SNX27: variants seen among roughly 807,000 people sequenced by gnomAD.
SNX27 encodes sorting nexin 27.
A neutral mutation model predicts 71.6 loss-of-function variants in SNX27; 22 were observed. That is an observed-to-expected ratio of 0.31 (90% CI 0.22 to 0.44). The LOEUF (loss-of-function observed/expected upper bound fraction) is 0.44. Among genes scored for constraint, SNX27 ranks in the 20% least tolerant of loss-of-function variants. The probability of loss-of-function intolerance (pLI) is 1.00; values close to 1 mark genes in which losing one functional copy is unlikely to be tolerated. For missense variants in SNX27, 531 were observed against 698.6 expected (o/e 0.76, Z 2.70); for synonymous variants, 269 against 277.2 (o/e 0.97, Z 0.29).
intron 1 of SNX27, among the ~76,000 whole-genome samples, chr1:151,623,429 C>T (rs1197732494): frequency 2.0e-5 from 3 of 151,022 alleles, no homozygotes; most frequent in Admixed American, 1.3e-4. Flanking sequence ...CGTGAGCCAC[C>T]GCGCCCAGTA....
chr1:151,615,895 C>T (rs774975387), intron 1 of SNX27: 44 of 865,092 alleles, frequency 5.1e-5, no homozygotes, highest in East Asian at 1.2e-4. Context: ...CTTTTAAAGT[C>T]GGCTTACCAA....
rs1671848099 is a variant in SNX27 at position 151,697,831 on chromosome 1, C to T, written c.*3414C>T. 1.3e-5 allele frequency: 2 copies of T among 152,722 alleles called. No homozygotes were observed. The highest frequency in any genetic ancestry group is 1.9e-4 in the East Asian group (1 of 5,176). The allele number at this position is 152,722 out of a possible 1,614,324, so 9.5% of individuals were successfully genotyped here. On this transcript the variant is annotated 3_prime_UTR_variant, in exon 12 of 12. Coordinates refer to ENST00000458013, the MANE Select transcript of SNX27 (RefSeq NM_001330723.2). ...GTCTCCCAGTGCCCCCAGCTTCATCCCAGCAGAACCAGCAGGATCCTCCTG... is the reference window on the plus strand; with the variant it reads ...GTCTCCCAGTGCCCCCAGCTTCATCTCAGCAGAACCAGCAGGATCCTCCTG...
At chr1:151,678,350 CT>C (rs1296327563) in intron 7 of SNX27, 1 of 152,214 alleles carries the variant, frequency 6.6e-6, no homozygotes. Context: ...TAATTATACA[CT>C]ATTTGCCTTT....
At chr1:151,635,740 A>G (rs1241364507) in intron 1 of SNX27, among the ~76,000 whole-genome samples, 1 of 152,178 alleles carries the variant, frequency 6.6e-6, no homozygotes, top group Admixed American at 6.5e-5. Context: ...CCAGATAAAT[A>G]TTAGCAAGTC....
At position 151,612,255 on chromosome 1, in the gene SNX27, A is replaced by G; in HGVS notation, c.54A>G (p.Gly18=). 6.9e-7 allele frequency: 1 copy of G among 1,443,776 alleles called. No homozygotes were observed. Among genetic ancestry groups the G allele is most frequent in the Non-Finnish European group, 9.1e-7 (1 of 1,101,256 alleles). 89.4% of individuals were successfully genotyped at this position (1,443,776 alleles called of 1,614,324 possible). ...GIHPSAPHRN[G]GGGGGGGSGL... is the part of the protein sequence containing the mutation. ...ATCCCTCAGCCCCTCACAGGAACGG[A>G]GGTGGCGGCGGCGGCGGGGGGTCTG... Residue 18 remains glycine (G), a synonymous_variant, in exon 1 of 12, where the codon GGA becomes GGG. Coordinates refer to ENST00000458013, the MANE Select transcript of SNX27 (RefSeq NM_001330723.2). The surrounding 1 kb of genome is among the most constrained non-coding windows in gnomAD (Gnocchi z 5.2).
At chr1:151,657,707 C>T (rs995036032) in intron 2 of SNX27, among the ~76,000 whole-genome samples, 1 of 152,100 alleles carries the variant, frequency 6.6e-6, no homozygotes, top group South Asian at 2.1e-4. Context: ...TAAAAGTATG[C>T]TAGAGGTCAT....
At chr1:151,641,625 A>ATATATC (rs1277117544) in intron 2 of SNX27, among the ~76,000 whole-genome samples, 2 of 127,394 alleles carry the variant, frequency 1.6e-5, no homozygotes, top group Non-Finnish European at 1.6e-5. Flanking sequence ...ATATATATAT[A>ATATATC]TATATCATAT....
chr1:151,674,947 A>C (rs758209139), intron 7 of SNX27, among the ~76,000 whole-genome samples: 75 of 152,012 alleles, frequency 4.9e-4, no homozygotes, highest in Non-Finnish European at 9.1e-4. Flanking sequence ...CGGCCTCCCA[A>C]AGTGCTGGGA....
chr1:151,647,793 C>G (rs553106677), intron 2 of SNX27, among the ~76,000 whole-genome samples: 118 of 141,824 alleles, frequency 8.3e-4, no homozygotes, highest in African/African-American at 3.0e-3. Context: ...ACAGCTCTTT[C>G]CTGTCCCAAG....
chr1:151,675,098 G>A (rs1478519855), intron 7 of SNX27, among the ~76,000 whole-genome samples: 3 of 152,074 alleles, frequency 2.0e-5, no homozygotes, highest in East Asian at 3.9e-4. Flanking sequence ...TGGGAATTTC[G>A]TCATATAAAT....
intron 4 of SNX27, among the ~76,000 whole-genome samples, chr1:151,661,910 C>T (rs576910927): frequency 6.6e-6 from 1 of 152,170 alleles, no homozygotes; most frequent in African/African-American, 2.4e-5. Flanking sequence ...TAGACTGTTT[C>T]ACGCAAGTTT....
intron 7 of SNX27, among the ~76,000 whole-genome samples, chr1:151,674,755 T>C (rs1357077162): frequency 1.3e-5 from 2 of 152,094 alleles, no homozygotes; most frequent in Non-Finnish European, 2.9e-5. Flanking sequence ...GGCGCGATCT[T>C]GGCTCACTGC....
chr1:151,620,658 A>G (rs887665363), intron 1 of SNX27, among the ~76,000 whole-genome samples: 1 of 148,958 alleles, frequency 6.7e-6, no homozygotes, highest in Non-Finnish European at 1.5e-5. Flanking sequence ...TTCTAGCTCT[A>G]CTTTCCTCCA....
intron 2 of SNX27, among the ~76,000 whole-genome samples, chr1:151,654,375 G>A (rs1022647244): frequency 1.3e-5 from 2 of 151,954 alleles, no homozygotes; most frequent in African/African-American, 2.4e-5. Flanking sequence ...AGCCAAACTC[G>A]GCCTTGTATC....
chr1:151,630,220 T>G lies in SNX27; in HGVS notation c.312-8668T>G, dbSNP rs1668160002. ...TGTAAAATTTTTGCCCTTACGAAGC[T>G]CATATTTTGGTCATTGCCTTAGGAT... On this transcript the variant is annotated intron_variant, in intron 1 of 11. Coordinates refer to ENST00000458013, the MANE Select transcript of SNX27 (RefSeq NM_001330723.2). Among the ~76,000 whole-genome samples the G allele has an allele frequency of 3.3e-5, 5 of 152,110 alleles. No homozygotes were observed. The South Asian group carries it at 1.0e-3, about 31-fold the overall frequency.
chr1:151,682,318 TTTTG>T (rs1032489759), intron 7 of SNX27, among the ~76,000 whole-genome samples: 53 of 152,320 alleles, frequency 3.5e-4, no homozygotes, highest in Admixed American at 1.9e-3. Flanking sequence ...GAAGGTTTTT[TTTTG>T]TTTGTTTGTG....
At chr1:151,640,182 A>G (rs1668659935) in intron 2 of SNX27, among the ~76,000 whole-genome samples, 1 of 152,120 alleles carries the variant, frequency 6.6e-6, no homozygotes, top group Non-Finnish European at 1.5e-5. Context: ...TAGTCTTAGA[A>G]CCACACACAG....
intron 5 of SNX27, chr1:151,662,865 T>A (rs1344338264): frequency 1.3e-5 from 2 of 152,144 alleles, no homozygotes; most frequent in Non-Finnish European, 2.9e-5. Flanking sequence ...AGTAATCATT[T>A]ATATTTAATA....
At chr1:151,689,738 G>A (rs940752475) in intron 8 of SNX27, among the ~76,000 whole-genome samples, 1 of 152,182 alleles carries the variant, frequency 6.6e-6, no homozygotes, top group Non-Finnish European at 1.5e-5. Context: ...GCTGCTTATC[G>A]AGCATGTAAA....
Sources: gnomAD v4.1 joint callset for allele counts (sites outside exome capture counted in the v4.1 genomes callset) on GRCh38, gnomAD v4.1.1 for gene constraint, Gnocchi (gnomAD v3.1) non-coding constraint, MANE v1.5 for transcripts, NCBI Gene and HGNC (gene_info 2026-07-23, HGNC 2026-07-21) for gene names.